Variants in ZNF521 observed in about 807,000 individuals in gnomAD.
The protein encoded by ZNF521 is zinc finger protein 521, also known as LYST-interacting protein 3.
ZNF521 carries 14 observed loss-of-function variants against 105.5 expected under a neutral mutation model. The ratio of observed to expected loss-of-function variants is 0.13; its 90% CI spans 0.09 to 0.21. The LOEUF is 0.21. Ranked by LOEUF, ZNF521 falls within the 10% of genes least tolerant of loss-of-function variation. The pLI is 1.00. For missense variants in ZNF521, 1,233 were observed against 1,629.7 expected, an observed-to-expected ratio of 0.76 and a Z score of 4.19; for synonymous variants, 635 against 606.0, an observed-to-expected ratio of 1.05 and a Z score of -0.70.
chr18:25,093,194 G>A (rs922492685), intron 5 of ZNF521, among the ~76,000 whole-genome samples: 13 of 152,076 alleles, frequency 8.5e-5, no homozygotes, highest in African/African-American at 2.2e-4. Context: ...GAACTTGAAC[G>A]CAGGCAGTCT....
chr18:25,249,557 G>C (rs557635117), intron 3 of ZNF521, among the ~76,000 whole-genome samples: 51 of 151,990 alleles, frequency 3.4e-4, no homozygotes, highest in Non-Finnish European at 7.2e-4. Flanking sequence ...TGCCTCCTGG[G>C]TTCAAGTGAT....
chr18:25,281,820 G>C (rs960985050), intron 3 of ZNF521, among the ~76,000 whole-genome samples: 6 of 152,222 alleles, frequency 3.9e-5, no homozygotes, highest in East Asian at 1.9e-4. Flanking sequence ...GTGCAGTTTA[G>C]AGTATCTTAC....
At position 25,332,923 on chromosome 18, in the gene ZNF521, A is replaced by C. The variant is rs1395111544; in HGVS notation, c.41-10736T>G. Among the ~76,000 whole-genome samples, 3 of 152,326 alleles carry C rather than the reference A, an allele frequency of 2.0e-5. No homozygotes were observed. In the East Asian group the frequency reaches 5.8e-4, roughly 29 times the overall value. Reference sequence around the variant, plus strand: ...AAAAGTGAACGTGTACGCCATTATCATAGTAACTGTAAATTAATAGTTGTT... The same window carrying C: ...AAAAGTGAACGTGTACGCCATTATCCTAGTAACTGTAAATTAATAGTTGTT... On this transcript the variant is annotated intron_variant, in intron 2 of 7. Coordinates refer to ENST00000361524, the MANE Select transcript of ZNF521 (RefSeq NM_015461.3).
chr18:25,069,059 A>C (rs2033148851), intron 7 of ZNF521, among the ~76,000 whole-genome samples: 2 of 152,338 alleles, frequency 1.3e-5, no homozygotes, highest in East Asian at 1.9e-4. Flanking sequence ...AATCTGCAAC[A>C]GCTTTTTGGC....
chr18:25,174,795 C>T (rs2035508404), intron 5 of ZNF521, among the ~76,000 whole-genome samples: 2 of 152,234 alleles, frequency 1.3e-5, no homozygotes, highest in Non-Finnish European at 1.5e-5. Flanking sequence ...ATCCCCCAAC[C>T]TTTCTGAGCA....
intron 5 of ZNF521, among the ~76,000 whole-genome samples, chr18:25,140,517 T>C (rs1274426446): frequency 6.6e-6 from 1 of 152,158 alleles, no homozygotes; most frequent in Non-Finnish European, 1.5e-5. Flanking sequence ...CTGACACCAT[T>C]GGCTTTTGTT....
At chr18:25,184,037 A>G (rs73404925) in intron 5 of ZNF521, among the ~76,000 whole-genome samples, 3,703 of 152,298 alleles carry the variant, frequency 0.024, 158 homozygotes, top group African/African-American at 0.085. Context: ...ACAGATTTAT[A>G]GACAGCTGAT....
Position 25,062,085 on chromosome 18 carries a change from G to A in ZNF521, c.*627C>T, listed in dbSNP as rs770757817. On this transcript the variant is annotated 3_prime_UTR_variant, in exon 8 of 8. Transcript: ENST00000361524. ...TTAAGGAAAACCTTGAACACTCAAA[G>A]CTTCAAATGTATCCAGGGAAAAAAA... The A allele has an allele frequency of 6.3e-4, 125 of 199,460 alleles. 1 individual carries two copies. The highest frequency in any genetic ancestry group is 3.6e-4 in the Admixed American group (6 of 16,606). 12.4% of individuals were successfully genotyped at this position (199,460 alleles called of 1,614,324 possible). A position where few individuals can be genotyped will look rare whatever the true frequency, so the allele number is the denominator to read the frequency against.
At chr18:25,130,688 A>G (rs117776980) in intron 5 of ZNF521, among the ~76,000 whole-genome samples, 2,484 of 152,276 alleles carry the variant, frequency 0.016, 20 homozygotes, top group Non-Finnish European at 0.026. Context: ...CACACTTGTT[A>G]TCCCAGCACT....
chr18:25,132,411 C>T (rs1567976014), intron 5 of ZNF521, among the ~76,000 whole-genome samples: 1 of 152,130 alleles, frequency 6.6e-6, no homozygotes, highest in Non-Finnish European at 1.5e-5. Context: ...ATCTATTAAA[C>T]ACTGTCTTCC....
intron 7 of ZNF521, among the ~76,000 whole-genome samples, chr18:25,085,394 C>T (rs529820551): frequency 3.3e-5 from 5 of 151,788 alleles, no homozygotes; most frequent in East Asian, 1.9e-4. Context: ...TTAGATTAAA[C>T]GTTTCATAGA....
intron 1 of ZNF521, 121 bp from the exon 2 acceptor site, chr18:25,351,068 C>G: frequency 1.9e-6 from 1 of 536,562 alleles, no homozygotes; most frequent in Non-Finnish European, 2.5e-6. Flanking sequence ...CTCGCGCCCT[C>G]GCTCCGCGCT....
chr18:25,143,119 A>G (rs2034880557), intron 5 of ZNF521, among the ~76,000 whole-genome samples: 1 of 152,154 alleles, frequency 6.6e-6, no homozygotes, highest in Non-Finnish European at 1.5e-5. Context: ...TAACACATCT[A>G]GTGTCAGCAT....
intron 5 of ZNF521, among the ~76,000 whole-genome samples, chr18:25,180,540 C>T (rs2035615011): frequency 6.6e-6 from 1 of 151,346 alleles, no homozygotes; most frequent in African/African-American, 2.4e-5. Context: ...CATTTATTTC[C>T]AATGCCTCAA....
chr18:25,261,119 T>C (rs907226919), intron 3 of ZNF521, among the ~76,000 whole-genome samples: 3 of 152,116 alleles, frequency 2.0e-5, no homozygotes, highest in African/African-American at 7.2e-5. Flanking sequence ...TTTGCATCTC[T>C]GGGAATTCAT....
intron 3 of ZNF521, among the ~76,000 whole-genome samples, chr18:25,248,436 A>T (rs1468252370): frequency 4.6e-5 from 7 of 152,228 alleles, no homozygotes; most frequent in African/African-American, 1.7e-4. Flanking sequence ...AATGTATATT[A>T]TGATGTTATC....
chr18:25,241,149 A>G (rs1296763922), intron 3 of ZNF521, among the ~76,000 whole-genome samples: 3 of 152,034 alleles, frequency 2.0e-5, no homozygotes, highest in African/African-American at 7.2e-5. Flanking sequence ...TGATAACCCC[A>G]TACTTTCACC....
At chr18:25,289,369 T>A (rs562510066) in intron 3 of ZNF521, among the ~76,000 whole-genome samples, 35 of 152,302 alleles carry the variant, frequency 2.3e-4, no homozygotes, top group Admixed American at 2.3e-3. Flanking sequence ...ACATTCAAGG[T>A]TAGAGAGCAT....
chr18:25,100,785 C>A (rs1320520656), intron 5 of ZNF521, among the ~76,000 whole-genome samples: 3 of 152,228 alleles, frequency 2.0e-5, no homozygotes, highest in Admixed American at 6.5e-5. Flanking sequence ...AACGATGCCA[C>A]CCCTTAGAGA....
Sources: allele counts gnomAD v4.1 joint callset (sites outside exome capture counted in the v4.1 genomes callset), GRCh38; gene constraint gnomAD v4.1.1; transcripts MANE v1.5; gene names NCBI Gene and HGNC (gene_info 2026-07-23, HGNC 2026-07-21).